Variants in PHLDB2 observed in about 807,000 individuals in gnomAD.
PHLDB2 encodes pleckstrin homology-like domain family B member 2.
A neutral mutation model predicts 123.6 loss-of-function variants in PHLDB2; 71 were observed. The observed-to-expected ratio is 0.57, with a 90% CI of 0.47 to 0.70. PHLDB2 has a LOEUF of 0.70. Among genes scored for constraint, PHLDB2 ranks in the 30% least tolerant of loss-of-function variants. The probability of loss-of-function intolerance (pLI) is 0.00; values close to 1 mark genes in which losing one functional copy is unlikely to be tolerated. For missense variants in PHLDB2, 1,446 were observed against 1,519.5 expected, an observed-to-expected ratio of 0.95 and a Z score of 0.80; for synonymous variants, 547 against 541.6, an observed-to-expected ratio of 1.01 and a Z score of -0.14.
intron 10 of PHLDB2, among the ~76,000 whole-genome samples, chr3:111,950,616 T>C (rs1279492493): frequency 6.6e-6 from 1 of 152,184 alleles, no homozygotes; most frequent in Non-Finnish European, 1.5e-5. Flanking sequence ...AAAAAAAAAT[T>C]TGTTTTGAGA....
intron 1 of PHLDB2, among the ~76,000 whole-genome samples, chr3:111,748,135 A>G (rs1576500428): frequency 2.9e-5 from 1 of 34,618 alleles, no homozygotes; most frequent in Admixed American, 2.8e-4. Context: ...GGTGTATGGG[A>G]AAAAAACACA....
At chr3:111,846,155 A>T in intron 2 of PHLDB2, 1 of 471,266 alleles carries the variant, frequency 2.1e-6, no homozygotes, top group East Asian at 3.7e-5. Context: ...CTGAGGTTTT[A>T]TTTAGTCCAG....
At chr3:111,808,542 G>A (rs1286608221) in intron 1 of PHLDB2, among the ~76,000 whole-genome samples, 1 of 151,562 alleles carries the variant, frequency 6.6e-6, no homozygotes, top group African/African-American at 2.4e-5. Context: ...ACACATGCAG[G>A]TTTGTTACAT....
chr3:111,975,839 G>C lies in PHLDB2; in HGVS notation c.*1276G>C, dbSNP rs529880946. On this transcript the variant is annotated 3_prime_UTR_variant, in exon 18 of 18. Coordinates refer to ENST00000431670, the MANE Select transcript of PHLDB2 (RefSeq NM_001134438.2). ...TAGAGAATAACAATATTACTTACAA[G>C]ATGAAATGATTAGATTAGAAGTGTC... The C allele has an allele frequency of 6.5e-6, 1 of 152,694 alleles. No homozygotes were observed. The highest frequency in any genetic ancestry group is 2.1e-4 in the South Asian group (1 of 4,832). The allele number at this position is 152,694 out of a possible 1,614,324, so 9.5% of individuals were successfully genotyped here.
intron 1 of PHLDB2, among the ~76,000 whole-genome samples, chr3:111,736,804 C>T (rs996281332): frequency 1.5e-4 from 23 of 152,140 alleles, no homozygotes; most frequent in African/African-American, 5.3e-4. Flanking sequence ...TTAATTGTTA[C>T]TTAATAAAAT....
intron 1 of PHLDB2, among the ~76,000 whole-genome samples, chr3:111,782,306 C>T (rs760042209): frequency 3.3e-5 from 5 of 152,000 alleles, no homozygotes; most frequent in Admixed American, 2.0e-4. Context: ...AAGGACATTA[C>T]GTTCCTGGCA....
At chr3:111,845,792 TG>T in intron 1 of PHLDB2, 1 of 1,611,098 alleles carries the variant, frequency 6.2e-7, no homozygotes, top group African/African-American at 1.3e-5. Flanking sequence ...TTTCCAATCA[TG>T]GTACCTCTCT....
At chr3:111,938,019 T>G (rs1028239266) in intron 6 of PHLDB2, among the ~76,000 whole-genome samples, 41 of 152,196 alleles carry the variant, frequency 2.7e-4, no homozygotes, top group African/African-American at 9.2e-4. Context: ...TCATAATTTC[T>G]GATCTTCCTT....
Position 111,840,239 on chromosome 3 carries a change from G to A in PHLDB2, c.-48-5582G>A, listed in dbSNP as rs532259715. Among the ~76,000 whole-genome samples the A allele has an allele frequency of 2.6e-5, 4 of 151,874 alleles. No individual in the cohort carries two copies. In the South Asian group the frequency reaches 6.2e-4, roughly 24 times the overall value. The stretch of plus-strand genomic sequence containing the variant: ...TGCACTCCAGCCTGGGTGACAGTGA[G>A]ACCCTGTCTCCAAAAAAAATTTGTT... On this transcript the variant is annotated intron_variant, in intron 1 of 17. Coordinates refer to the PHLDB2 transcript ENST00000393923.
intron 1 of PHLDB2, among the ~76,000 whole-genome samples, chr3:111,781,383 C>T (rs2060470375): frequency 6.6e-6 from 1 of 152,012 alleles, no homozygotes; most frequent in African/African-American, 2.4e-5. Flanking sequence ...TATCCCTCTC[C>T]CTTTTCCCCA....
chr3:111,758,466 T>C (rs113774609), intron 1 of PHLDB2, among the ~76,000 whole-genome samples: 178 of 152,222 alleles, frequency 1.2e-3, no homozygotes, highest in African/African-American at 2.6e-3. Context: ...AAAAGCGCAG[T>C]ATTAGGGTGG....
chr3:111,957,253 A>G (rs1380447166), intron 12 of PHLDB2: 2 of 152,700 alleles, frequency 1.3e-5, no homozygotes, highest in Non-Finnish European at 2.9e-5. Context: ...CAAGAAAGGT[A>G]TGACAACCTC....
chr3:111,861,588 G>A (rs1296589788), intron 1 of PHLDB2, among the ~76,000 whole-genome samples: 1 of 152,150 alleles, frequency 6.6e-6, no homozygotes, highest in Non-Finnish European at 1.5e-5. Flanking sequence ...TTATGCAGCT[G>A]GCAGCTGCTG....
intron 12 of PHLDB2, among the ~76,000 whole-genome samples, chr3:111,956,233 T>C (rs905236757): frequency 4.6e-5 from 7 of 151,886 alleles, no homozygotes; most frequent in African/African-American, 9.7e-5. Flanking sequence ...TCTCAAAGAG[T>C]AAGAAAAACT....
intron 1 of PHLDB2, among the ~76,000 whole-genome samples, chr3:111,863,182 C>T (rs2064919234): frequency 6.6e-6 from 1 of 152,232 alleles, no homozygotes; most frequent in South Asian, 2.1e-4. Context: ...ACCTGTGACA[C>T]TCCACTTCTG....
Position 111,966,672 on chromosome 3 carries a change from A to G in PHLDB2, c.3137A>G (p.His1046Arg), listed in dbSNP as rs746173213. 11 of 1,613,414 alleles carry G rather than the reference A, an allele frequency of 6.8e-6. No individual in the cohort carries two copies. In the East Asian group the frequency reaches 1.6e-4, roughly 23 times the overall value. ...ATGGAGAGACTTTTGAAGCAGGCTC[A>G]TGCAGAAAAGACGCGGCTGCTCGAA... is the stretch of plus-strand genomic sequence containing the variant. ...EEMERLLKQA[H>R]AEKTRLLESR... The change falls in exon 14 of 18, where the codon CAT becomes CGT. Residue 1046 changes from histidine to arginine, a missense_variant. Transcript: ENST00000431670.
chr3:111,877,650 T>G (rs895127074), intron 1 of PHLDB2, among the ~76,000 whole-genome samples: 14 of 152,114 alleles, frequency 9.2e-5, no homozygotes, highest in African/African-American at 3.4e-4. Flanking sequence ...CCATGCCTAT[T>G]TCCTGAATGG....
intron 1 of PHLDB2, among the ~76,000 whole-genome samples, chr3:111,780,306 A>G (rs201468962): frequency 0.027 from 72 of 2,648 alleles, 17 homozygotes; most frequent in Non-Finnish European, 0.15. Context: ...AGGAAGAGGA[A>G]GAGGAAGAGG....
At chr3:111,861,283 C>T (rs978494198) in intron 1 of PHLDB2, among the ~76,000 whole-genome samples, 1 of 152,202 alleles carries the variant, frequency 6.6e-6, no homozygotes, top group Non-Finnish European at 1.5e-5. Context: ...CTATTCTTGG[C>T]TCCCCTTTCA....
Sources: gnomAD v4.1 joint callset for allele counts (sites outside exome capture counted in the v4.1 genomes callset) on GRCh38, gnomAD v4.1.1 for gene constraint, MANE v1.5 for transcripts, NCBI Gene and HGNC (gene_info 2026-07-23, HGNC 2026-07-21) for gene names.